Variants in SLC2A13 observed in about 807,000 individuals in gnomAD.
SLC2A13 encodes proton myo-inositol cotransporter.
Under a neutral mutation model 64.4 loss-of-function variants are expected in SLC2A13, and 32 were observed. The ratio of observed to expected loss-of-function variants is 0.50; its 90% CI spans 0.37 to 0.67. The LOEUF (loss-of-function observed/expected upper bound fraction) is 0.67. Among genes scored for constraint, SLC2A13 ranks in the 30% least tolerant of loss-of-function variants. The probability of loss-of-function intolerance (pLI) is 0.00; values close to 1 mark genes in which losing one functional copy is unlikely to be tolerated. For synonymous variants in SLC2A13, 338 were observed against 327.1 expected (o/e 1.03, Z -0.36); for missense variants, 743 against 829.2 (o/e 0.90, Z 1.28).
rs569500600 is a variant in SLC2A13, at chr12:39,843,930, C to CT, written c.1320-13703dup. 6.2e-3 allele frequency among the ~76,000 whole-genome samples: 940 copies of CT among 152,020 alleles called. 11 individuals are homozygous for CT. The highest frequency in any genetic ancestry group is 0.021 in the African/African-American group (888 of 41,492). Reference sequence around the variant, plus strand: ...GCACATGTCTTAAGTTATCAGTATGCTTTTTTCCCCCCAAAGCATTACAAA... The same window carrying CT: ...GCACATGTCTTAAGTTATCAGTATGCTTTTTTTCCCCCCAAAGCATTACAAA... On this transcript the variant is annotated intron_variant, in intron 6 of 9. Coordinates refer to ENST00000280871, the MANE Select transcript of SLC2A13 (RefSeq NM_052885.4).
chr12:39,825,723 T>C (rs1566833921), intron 7 of SLC2A13, among the ~76,000 whole-genome samples: 1 of 152,080 alleles, frequency 6.6e-6, no homozygotes, highest in Non-Finnish European at 1.5e-5. Context: ...TGATTAGTAT[T>C]GCAAGAGGTT....
chr12:39,821,709 T>C (rs1211115397), intron 7 of SLC2A13, among the ~76,000 whole-genome samples: 1 of 152,170 alleles, frequency 6.6e-6, no homozygotes, highest in Non-Finnish European at 1.5e-5. Context: ...TAAAACTCCA[T>C]GCCTTAAAGC....
intron 3 of SLC2A13, among the ~76,000 whole-genome samples, chr12:39,968,982 T>C (rs924285115): frequency 6.6e-6 from 1 of 151,872 alleles, no homozygotes; most frequent in African/African-American, 2.4e-5. Context: ...CGGTGTGTGA[T>C]GTTCCCCTTC....
intron 3 of SLC2A13, among the ~76,000 whole-genome samples, chr12:40,014,714 A>C (rs1947592920): frequency 6.6e-6 from 1 of 152,110 alleles, no homozygotes; most frequent in South Asian, 2.1e-4. Flanking sequence ...GGCTGGTCTT[A>C]AACTCCCAAG....
At chr12:39,944,584 C>G (rs746719297) in intron 4 of SLC2A13, among the ~76,000 whole-genome samples, 41 of 152,172 alleles carry the variant, frequency 2.7e-4, no homozygotes, top group Admixed American at 7.9e-4. Context: ...GGCCTTTTAC[C>G]ATTATATACT....
chr12:40,053,640 T>C (rs958052644), intron 1 of SLC2A13, among the ~76,000 whole-genome samples: 6 of 152,160 alleles, frequency 3.9e-5, no homozygotes, highest in Non-Finnish European at 7.4e-5. Context: ...CCAGACATCA[T>C]GTTAAAGAGC....
At chr12:40,036,002 T>C (rs141679697) in intron 2 of SLC2A13, among the ~76,000 whole-genome samples, 12 of 152,324 alleles carry the variant, frequency 7.9e-5, no homozygotes, top group African/African-American at 2.6e-4. Flanking sequence ...TTCTTAAATA[T>C]ACACATATCC....
chr12:40,075,519 C>A (rs557619813), intron 1 of SLC2A13, among the ~76,000 whole-genome samples: 1 of 152,238 alleles, frequency 6.6e-6, no homozygotes, highest in Admixed American at 6.5e-5. Flanking sequence ...CTACAAGCTC[C>A]TGATATGCCC....
At chr12:39,931,375 G>C (rs1945823325) in intron 4 of SLC2A13, among the ~76,000 whole-genome samples, 1 of 152,132 alleles carries the variant, frequency 6.6e-6, no homozygotes, top group Admixed American at 6.5e-5. Flanking sequence ...CCTTACCAAT[G>C]CCTCTGCTGT....
intron 4 of SLC2A13, among the ~76,000 whole-genome samples, chr12:39,941,120 CAT>C (rs56394315): frequency 0.17 from 25,429 of 149,318 alleles, 2,285 homozygotes; most frequent in African/African-American, 0.24. Context: ...AGTATTCCAT[CAT>C]ATATATATAT....
chr12:39,806,782 G>C (rs1447170129), intron 7 of SLC2A13, among the ~76,000 whole-genome samples: 1 of 152,164 alleles, frequency 6.6e-6, no homozygotes, highest in Non-Finnish European at 1.5e-5. Context: ...ATGAAATCAA[G>C]ACAGTCGAAA....
chr12:39,842,420 G>A (rs1943200681), intron 6 of SLC2A13, among the ~76,000 whole-genome samples: 1 of 151,976 alleles, frequency 6.6e-6, no homozygotes, highest in Admixed American at 6.6e-5. Flanking sequence ...CCTTTAGTTT[G>A]TTGAAATGTA....
intron 2 of SLC2A13, among the ~76,000 whole-genome samples, chr12:40,041,093 C>T (rs1948079633): frequency 6.6e-6 from 1 of 152,122 alleles, no homozygotes; most frequent in South Asian, 2.1e-4. Flanking sequence ...ACTGGGATTA[C>T]AGGCGCCCAC....
At chr12:39,897,613 T>C (rs1044544294) in intron 4 of SLC2A13, among the ~76,000 whole-genome samples, 3 of 152,210 alleles carry the variant, frequency 2.0e-5, no homozygotes, top group African/African-American at 4.8e-5. Flanking sequence ...ATGCAGCTCT[T>C]GAGCACTAGA....
At chr12:40,072,510 ATTCATCTAT>A in intron 1 of SLC2A13, among the ~76,000 whole-genome samples, 1 of 152,094 alleles carries the variant, frequency 6.6e-6, no homozygotes, top group Non-Finnish European at 1.5e-5. Flanking sequence ...TATAATAGTG[ATTCATCTAT>A]TTTTTCCTCA....
chr12:39,864,669 C>T, intron 6 of SLC2A13, 93 bp downstream of exon 6: 2 of 1,511,380 alleles, frequency 1.3e-6, no homozygotes, highest in Non-Finnish European at 1.8e-6. Flanking sequence ...GCCCAGCAAG[C>T]TCCTACTCAT....
At chr12:39,936,018 G>A (rs1945911786) in intron 4 of SLC2A13, among the ~76,000 whole-genome samples, 1 of 152,168 alleles carries the variant, frequency 6.6e-6, no homozygotes, top group Admixed American at 6.5e-5. Flanking sequence ...TGCAAAGATG[G>A]GCAAAAGCCA....
chr12:39,947,070 T>A (rs1946148696), intron 4 of SLC2A13, among the ~76,000 whole-genome samples: 1 of 152,190 alleles, frequency 6.6e-6, no homozygotes, highest in African/African-American at 2.4e-5. Context: ...CTTGCCTGTC[T>A]AACTTGACTC....
chr12:39,925,069 T>C (rs1310818851), intron 4 of SLC2A13, among the ~76,000 whole-genome samples: 1 of 133,862 alleles, frequency 7.5e-6, no homozygotes, highest in Non-Finnish European at 1.6e-5. Flanking sequence ...AGAGTCTCAC[T>C]CTGCCACCCA....
Sources: allele counts gnomAD v4.1 joint callset (sites outside exome capture counted in the v4.1 genomes callset), GRCh38; gene constraint gnomAD v4.1.1; transcripts MANE v1.5; gene names NCBI Gene and HGNC (gene_info 2026-07-23, HGNC 2026-07-21).